GLE1: variants seen among roughly 807,000 people sequenced by gnomAD.
GLE1 encodes mRNA export factor GLE1.
GLE1 carries 78 observed loss-of-function variants against 97.3 expected under a neutral mutation model. That is an observed-to-expected ratio of 0.80 (90% CI 0.67 to 0.97). The LOEUF (loss-of-function observed/expected upper bound fraction) is 0.97. GLE1 is among the 50% of genes least tolerant of loss of function. The pLI is 0.00. For missense variants in GLE1, 753 were observed against 857.5 expected (o/e 0.88, Z 1.52); for synonymous variants, 302 against 313.4 (o/e 0.96, Z 0.39).
In GLE1 at chr9:128,541,140, C is replaced by A; in HGVS notation, c.2067C>A (p.Gly689=). The A allele has an allele frequency of 6.3e-7, 1 of 1,591,958 alleles. No homozygotes were observed. Among genetic ancestry groups the A allele is most frequent in the Non-Finnish European group, 8.6e-7 (1 of 1,159,756 alleles). ...LQHKDIPVPK[G]FLTSSFWRS is the part of the protein sequence containing the mutation. ...ACAAGGACATTCCTGTCCCCAAGGG[C>A]TTTCTGACTTCCTCCTTCTGGCGCT... Residue 689 remains glycine (G), a synonymous_variant, in exon 16 of 16, where the codon GGC becomes GGA. Coordinates refer to ENST00000309971, the MANE Select transcript of GLE1 (RefSeq NM_001003722.2).
At chr9:128,533,427 C>CAAAAAAAAA in intron 9 of GLE1, 86 bp from the exon 10 acceptor site, 1 of 452,660 alleles carries the variant, frequency 2.2e-6, no homozygotes, top group Non-Finnish European at 3.5e-6. Context: ...GATACTGTCT[C>CAAAAAAAAA]AAAAAAAAAA....
upstream of GLE1, chr9:128,504,706 G>T (rs1846586588): frequency 1.2e-6 from 1 of 841,836 alleles, no homozygotes; most frequent in Non-Finnish European, 2.0e-6. Context: ...TGCTGCGCGC[G>T]CGTCCCGGAA....
At chr9:128,516,883 C>T (rs189443954) in intron 3 of GLE1, among the ~76,000 whole-genome samples, 1 of 152,156 alleles carries the variant, frequency 6.6e-6, no homozygotes, top group African/African-American at 2.4e-5. Context: ...ACCTCAGCCT[C>T]CCAAAGTGCT....
At chr9:128,540,365 C>T (rs1453516782) in intron 15 of GLE1, 27 bp downstream of exon 15, 1 of 1,479,728 alleles carries the variant, frequency 6.8e-7, no homozygotes, top group Non-Finnish European at 9.5e-7. Flanking sequence ...CCAACATGCC[C>T]CACACTGTTG....
chr9:128,508,813 G>A (rs2132404606), intron 1 of GLE1, 63 bp from the exon 2 acceptor site: 1 of 914,062 alleles, frequency 1.1e-6, no homozygotes, highest in South Asian at 1.3e-5. Flanking sequence ...AGTAAGGCAT[G>A]TAGTGGATTA....
At chr9:128,525,818 C>G (rs865799223) in intron 7 of GLE1, among the ~76,000 whole-genome samples, 47 of 152,012 alleles carry the variant, frequency 3.1e-4, no homozygotes, top group African/African-American at 1.1e-3. Flanking sequence ...CCCAGCTACT[C>G]GGGAGGCTAA....
At chr9:128,535,100 C>G (rs1847657749) in intron 11 of GLE1, among the ~76,000 whole-genome samples, 1 of 152,080 alleles carries the variant, frequency 6.6e-6, no homozygotes, top group Admixed American at 6.6e-5. Context: ...GGGCCAGGTG[C>G]AGTGCCTCAT....
chr9:128,539,740 CAT>C, intron 14 of GLE1, 42 bp downstream of exon 14: 1 of 1,613,814 alleles, frequency 6.2e-7, no homozygotes, highest in Non-Finnish European at 8.5e-7. Flanking sequence ...TTAAGTAACT[CAT>C]AACCAGGCCT....
chr9:128,515,833 T>C (rs1846970405), intron 3 of GLE1, among the ~76,000 whole-genome samples, 194 bp downstream of exon 3: 1 of 152,194 alleles, frequency 6.6e-6, no homozygotes, highest in African/African-American at 2.4e-5. Context: ...CTGTTACATT[T>C]TACATGTGAC....
chr9:128,530,590 G>A (rs1847463827), intron 9 of GLE1, among the ~76,000 whole-genome samples: 1 of 152,130 alleles, frequency 6.6e-6, no homozygotes, highest in African/African-American at 2.4e-5. Context: ...TGAATAGGAG[G>A]GAAGGATCAC....
chr9:128,504,716 A>G, upstream of GLE1: 2 of 897,286 alleles, frequency 2.2e-6, no homozygotes, highest in South Asian at 2.6e-5. Context: ...GCGTCCCGGA[A>G]GCAGAAGCCT....
At chr9:128,538,293 A>AT (rs374581106) in intron 13 of GLE1, among the ~76,000 whole-genome samples, 1 of 152,126 alleles carries the variant, frequency 6.6e-6, no homozygotes, top group Admixed American at 6.6e-5. Flanking sequence ...GCTTCTCTGG[A>AT]TTTTTTTCAT....
intron 9 of GLE1, among the ~76,000 whole-genome samples, chr9:128,533,299 C>T (rs571854717): frequency 2.8e-4 from 42 of 151,412 alleles, no homozygotes; most frequent in African/African-American, 6.8e-4. Flanking sequence ...AGTGTGGTGG[C>T]GGGCGTCTGT....
chr9:128,540,195 T>TCC, intron 14 of GLE1, 80 bp from the exon 15 acceptor site: 1 of 973,464 alleles, frequency 1.0e-6, no homozygotes, highest in Non-Finnish European at 1.7e-6. Flanking sequence ...CACTCCAGCC[T>TCC]AGGTGACAGA....
chr9:128,508,958 A>G lies in GLE1; in HGVS notation c.182A>G (p.Gln61Arg). The change falls in exon 2 of 16, where the codon CAG (glutamine) becomes CGG (arginine). Residue 61 changes from glutamine to arginine, a missense_variant. Gln to Arg is a conservative substitution (Grantham distance 43, BLOSUM62 1). Coordinates refer to ENST00000309971, the MANE Select transcript of GLE1 (RefSeq NM_001003722.2). Reference protein sequence around the residue: ...WVVEHVLPHMQENQPLSETSP... With the variant: ...WVVEHVLPHMRENQPLSETSP... ...GTAGAGCACGTCCTACCCCATATGC[A>G]GGAGAACCAACCTCTGTCTGAGACT... 1 of 1,611,892 alleles carries G rather than the reference A, an allele frequency of 6.2e-7. No homozygotes were observed. The highest frequency in any genetic ancestry group is 2.2e-5 in the East Asian group (1 of 44,878).
chr9:128,528,398 G>A (rs1339794441), intron 9 of GLE1, among the ~76,000 whole-genome samples: 1 of 150,518 alleles, frequency 6.6e-6, no homozygotes, highest in Non-Finnish European at 1.5e-5. Flanking sequence ...CTGCCTCCCG[G>A]GTTCACGCCA....
intron 2 of GLE1, among the ~76,000 whole-genome samples, chr9:128,510,598 G>C (rs1026136284): frequency 1.1e-4 from 17 of 148,178 alleles, no homozygotes; most frequent in African/African-American, 4.3e-4. Context: ...GCATGGTCTC[G>C]GCTTACTGCA....
At chr9:128,540,629 G>C (rs1289256120) in intron 15 of GLE1, 1 of 416,214 alleles carries the variant, frequency 2.4e-6, no homozygotes, top group Non-Finnish European at 4.4e-6. Context: ...TGTTGGCCAA[G>C]GTTATTTTCT....
intron 14 of GLE1, 196 bp downstream of exon 14, chr9:128,539,894 A>G: frequency 2.0e-6 from 3 of 1,468,078 alleles, no homozygotes; most frequent in African/African-American, 1.4e-5. Flanking sequence ...TCTGTCTTAA[A>G]TATCATTGCC....
Sources: allele counts gnomAD v4.1 joint callset (sites outside exome capture counted in the v4.1 genomes callset), GRCh38; gene constraint gnomAD v4.1.1; transcripts MANE v1.5; gene names NCBI Gene and HGNC (gene_info 2026-07-23, HGNC 2026-07-21).